The following RALGAPA2 variants were observed in gnomAD, a reference collection of about 807,000 sequenced individuals.
RALGAPA2 encodes the protein Ral GTPase activating protein catalytic subunit alpha 2.
A neutral mutation model predicts 230.4 loss-of-function variants in RALGAPA2; 139 were observed. The observed-to-expected ratio is 0.60, with a 90% CI of 0.53 to 0.69. The LOEUF (loss-of-function observed/expected upper bound fraction) is 0.69, where lower values mean the gene tolerates loss of function less well. Among genes scored for constraint, RALGAPA2 ranks in the 30% least tolerant of loss-of-function variants. The pLI is 0.00. For synonymous variants in RALGAPA2, 847 were observed against 837.8 expected, an observed-to-expected ratio of 1.01 and a Z score of -0.19; for missense variants, 2,163 against 2,276.0, an observed-to-expected ratio of 0.95 and a Z score of 1.01.
chr20:20,486,937 C>T (rs547261481), intron 36 of RALGAPA2, among the ~76,000 whole-genome samples: 1 of 152,158 alleles, frequency 6.6e-6, no homozygotes, highest in African/African-American at 2.4e-5. Flanking sequence ...TCTTGGAGTG[C>T]CTATCTCTCT....
At chr20:20,420,239 C>G (rs1213526297) in intron 37 of RALGAPA2, among the ~76,000 whole-genome samples, 4 of 152,148 alleles carry the variant, frequency 2.6e-5, no homozygotes, top group African/African-American at 9.7e-5. Context: ...TGGGCCTGGG[C>G]ACAGGAGGCC....
intron 31 of RALGAPA2, among the ~76,000 whole-genome samples, chr20:20,518,272 G>A (rs2062934701): frequency 6.6e-6 from 1 of 152,144 alleles, no homozygotes; most frequent in Non-Finnish European, 1.5e-5. Context: ...AGCCAGGATG[G>A]TCTGGATCTC....
intron 1 of RALGAPA2, among the ~76,000 whole-genome samples, chr20:20,698,846 T>C (rs2069228015): frequency 6.6e-6 from 1 of 152,270 alleles, no homozygotes; most frequent in South Asian, 2.1e-4. Context: ...TCAAAGATCA[T>C]TGATCTGTAT....
chr20:20,424,081 C>T (rs139181330), intron 37 of RALGAPA2, among the ~76,000 whole-genome samples: 39 of 152,304 alleles, frequency 2.6e-4, no homozygotes, highest in African/African-American at 7.5e-4. Flanking sequence ...CTGAAGGTCT[C>T]CCTCCTAGAA....
At chr20:20,518,218 G>A (rs2062933244) in intron 31 of RALGAPA2, among the ~76,000 whole-genome samples, 1 of 152,168 alleles carries the variant, frequency 6.6e-6, no homozygotes, top group South Asian at 2.1e-4. Context: ...ACCATGCCCA[G>A]CTAATTTTTT....
At chr20:20,431,356 G>A (rs6046857) in intron 37 of RALGAPA2, among the ~76,000 whole-genome samples, 14 of 152,104 alleles carry the variant, frequency 9.2e-5, no homozygotes, top group South Asian at 2.1e-4. Flanking sequence ...GAGGCTGGAG[G>A]GGGGAGAAGG....
chr20:20,538,023 T>C (rs1323618135), intron 24 of RALGAPA2, among the ~76,000 whole-genome samples: 1 of 152,180 alleles, frequency 6.6e-6, no homozygotes, highest in Admixed American at 6.5e-5. Context: ...AGTTAAGCAC[T>C]TGGGCTATAA....
In RALGAPA2 at chr20:20,495,134, T is replaced by C. The variant is rs1247331838; in HGVS notation, c.5350A>G (p.Ile1784Val). 1 of 1,606,264 alleles carries C rather than the reference T, an allele frequency of 6.2e-7. No homozygotes were observed. Among genetic ancestry groups the C allele is most frequent in the Non-Finnish European group, 8.5e-7 (1 of 1,174,000 alleles). ...PMKNHMFFIA[I>V]TKKPEVPFFG... Reference sequence around the variant, plus strand: ...AAACGTACCTCAGGTTTCTTCGTTATCGCGATGAAGAACATGTGATTCTTC... The same window carrying C: ...AAACGTACCTCAGGTTTCTTCGTTACCGCGATGAAGAACATGTGATTCTTC... Residue 1784 changes from isoleucine to valine, a missense_variant, in exon 36 of 40, where the codon ATA becomes GTA. Coordinates refer to ENST00000202677, the MANE Select transcript of RALGAPA2 (RefSeq NM_020343.4).
intron 16 of RALGAPA2, among the ~76,000 whole-genome samples, chr20:20,600,003 A>G (rs1050887585): frequency 6.6e-6 from 1 of 151,676 alleles, no homozygotes; most frequent in African/African-American, 2.4e-5. Flanking sequence ...AAAAAATCCA[A>G]TGATAGAAGA....
chr20:20,421,082 T>C (rs1006927385), intron 37 of RALGAPA2, among the ~76,000 whole-genome samples: 17 of 152,150 alleles, frequency 1.1e-4, no homozygotes, highest in Non-Finnish European at 2.4e-4. Context: ...GTATCTCAAA[T>C]ATATAAAGAA....
At chr20:20,454,885 C>T (rs989349127) in intron 37 of RALGAPA2, among the ~76,000 whole-genome samples, 1 of 152,182 alleles carries the variant, frequency 6.6e-6, no homozygotes, top group Non-Finnish European at 1.5e-5. Flanking sequence ...TTTAAAAATA[C>T]CCAGACTAGA....
intron 14 of RALGAPA2, among the ~76,000 whole-genome samples, chr20:20,609,036 C>G (rs2065903463): frequency 2.6e-5 from 4 of 152,158 alleles, no homozygotes; most frequent in Admixed American, 2.6e-4. Context: ...GCTCTTTTGA[C>G]CAGGCTGCAG....
At chr20:20,497,948 G>A (rs1464774116) in intron 35 of RALGAPA2, among the ~76,000 whole-genome samples, 2 of 152,206 alleles carry the variant, frequency 1.3e-5, no homozygotes, top group African/African-American at 4.8e-5. Context: ...GGAGCAATCG[G>A]CTGATAAATC....
intron 10 of RALGAPA2, among the ~76,000 whole-genome samples, chr20:20,625,683 A>G (rs1010383095): frequency 2.0e-5 from 3 of 152,160 alleles, no homozygotes; most frequent in Non-Finnish European, 2.9e-5. Context: ...ATTCTGTTTC[A>G]TTGTTTAAAA....
intron 15 of RALGAPA2, among the ~76,000 whole-genome samples, chr20:20,604,174 G>A (rs1247915089): frequency 6.6e-6 from 1 of 152,114 alleles, no homozygotes; most frequent in Non-Finnish European, 1.5e-5. Flanking sequence ...ACCCTATTTT[G>A]TATTTGATCT....
chr20:20,660,679 C>T (rs2067746008), intron 3 of RALGAPA2, among the ~76,000 whole-genome samples: 1 of 152,118 alleles, frequency 6.6e-6, no homozygotes, highest in South Asian at 2.1e-4. Context: ...AAGAACCTCC[C>T]ATTAAGGTTT....
chr20:20,501,142 A>G (rs1164262890), intron 35 of RALGAPA2, among the ~76,000 whole-genome samples: 1 of 152,254 alleles, frequency 6.6e-6, no homozygotes, highest in African/African-American at 2.4e-5. Flanking sequence ...CACTGGCTTC[A>G]ACTTAAAGTC....
At position 20,504,137 on chromosome 20, in the gene RALGAPA2, T is replaced by G. The variant is rs914217681; in HGVS notation, c.5053-631A>C. On this transcript the variant is annotated intron_variant, in intron 34 of 39. Coordinates refer to ENST00000202677, the MANE Select transcript of RALGAPA2 (RefSeq NM_020343.4). ...ATATGAAAAAAGAAATAGAAGAATC[T>G]CTTCTGTGCCAAATAGAGTAAACAT... 4.6e-5 allele frequency among the ~76,000 whole-genome samples: 7 copies of G among 152,302 alleles called. No homozygotes were observed. The East Asian group carries it at 1.4e-3, about 29-fold the overall frequency.
chr20:20,601,624 T>G, intron 16 of RALGAPA2, 58 bp downstream of exon 16: 2 of 1,553,888 alleles, frequency 1.3e-6, no homozygotes, highest in East Asian at 4.5e-5. Context: ...ACTTTATGCC[T>G]ATAAATTTAT....
Sources: gnomAD v4.1 joint callset for allele counts (sites outside exome capture counted in the v4.1 genomes callset) on GRCh38, gnomAD v4.1.1 for gene constraint, MANE v1.5 for transcripts, NCBI Gene and HGNC (gene_info 2026-07-23, HGNC 2026-07-21) for gene names.